NUF2: variants seen among roughly 807,000 people sequenced by gnomAD.
NUF2 encodes NUF2 component of NDC80 kinetochore complex.
In NUF2, 34 loss-of-function variants were observed where a neutral mutation model predicts 61.8. The observed-to-expected ratio is 0.55, with a 90% CI of 0.42 to 0.73. The LOEUF (loss-of-function observed/expected upper bound fraction) is 0.73. Ranked by LOEUF, NUF2 falls within the 30% of genes least tolerant of loss-of-function variation. NUF2 has a pLI of 0.00. For missense variants in NUF2, 445 were observed against 539.1 expected (o/e 0.83, Z 1.73); for synonymous variants, 172 against 181.6 (o/e 0.95, Z 0.42).
At chr1:163,336,260 A>G (rs1214685824) in intron 5 of NUF2, among the ~76,000 whole-genome samples, 5 of 152,200 alleles carry the variant, frequency 3.3e-5, no homozygotes, top group African/African-American at 1.2e-4. Context: ...ACTCAGTTCC[A>G]TAAATCCTAG....
chr1:163,334,016 A>T (rs1287062840), intron 5 of NUF2, among the ~76,000 whole-genome samples: 1 of 152,124 alleles, frequency 6.6e-6, no homozygotes, highest in Non-Finnish European at 1.5e-5. Flanking sequence ...TCTACTTTGT[A>T]TGTCCATGTG....
chr1:163,343,056 A>T (rs1241087887), intron 9 of NUF2, among the ~76,000 whole-genome samples: 1 of 152,190 alleles, frequency 6.6e-6, no homozygotes, highest in Admixed American at 6.5e-5. Flanking sequence ...ACTTACAACA[A>T]ACTTTCAAGA....
intron 13 of NUF2, among the ~76,000 whole-genome samples, chr1:163,352,733 G>A (rs1032988220): frequency 2.0e-5 from 3 of 152,134 alleles, no homozygotes; most frequent in African/African-American, 7.2e-5. Flanking sequence ...GGGCGTGGTG[G>A]CGGGCGCCTG....
intron 5 of NUF2, among the ~76,000 whole-genome samples, chr1:163,329,890 GC>G (rs1388009813): frequency 6.6e-6 from 1 of 152,128 alleles, no homozygotes; most frequent in African/African-American, 2.4e-5. Context: ...TAGCTAGCAA[GC>G]TATGAGAAGA....
chr1:163,322,283 T>A (rs1413139713), intron 1 of NUF2, 71 bp downstream of exon 1: 2 of 152,206 alleles, frequency 1.3e-5, no homozygotes, highest in Non-Finnish European at 2.9e-5. Context: ...CAGTTCCTAC[T>A]AAACTAACGG....
chr1:163,332,104 G>A (rs966923974), intron 5 of NUF2, among the ~76,000 whole-genome samples: 2 of 151,334 alleles, frequency 1.3e-5, no homozygotes, highest in African/African-American at 4.9e-5. Flanking sequence ...TCCTAATATA[G>A]GTATTTATTG....
At chr1:163,351,472 T>C (rs568166155) in intron 13 of NUF2, among the ~76,000 whole-genome samples, 1 of 152,364 alleles carries the variant, frequency 6.6e-6, no homozygotes, top group Non-Finnish European at 1.5e-5. Flanking sequence ...AAATCTATCA[T>C]TCTGTCTTCC....
chr1:163,330,726 C>A (rs142286490), intron 5 of NUF2, among the ~76,000 whole-genome samples: 499 of 152,170 alleles, frequency 3.3e-3, no homozygotes, highest in African/African-American at 0.011. Flanking sequence ...TTTATTAAGG[C>A]TGTTAAATTT....
chr1:163,338,056 G>A lies in NUF2; in HGVS notation c.472G>A (p.Ala158Thr), dbSNP rs61747498. The A allele has an allele frequency of 7.6e-3, 12,181 of 1,612,662 alleles. 53 individuals carry two copies. Among genetic ancestry groups the A allele is most frequent in the Middle Eastern group, 0.015 (92 of 6,050 alleles). Residue 158 changes from alanine (A) to threonine (T), a missense_variant, in exon 7 of 14, where the codon GCA becomes ACA. Transcript: ENST00000271452. ...SADKMQQLNAAHQEALMKLER... is the reference protein window; with the variant it reads ...SADKMQQLNATHQEALMKLER... ...GGACAAAATGCAACAGTTAAACGCC[G>A]CACACCAGGAGGCATTAATGAAACT... is the stretch of plus-strand genomic sequence containing the variant.
intron 13 of NUF2, among the ~76,000 whole-genome samples, chr1:163,351,192 A>T (rs1651304563): frequency 6.6e-6 from 1 of 152,178 alleles, no homozygotes; most frequent in Admixed American, 6.5e-5. Context: ...TGCTAAACAC[A>T]GTCTTCCAAA....
intron 12 of NUF2, among the ~76,000 whole-genome samples, chr1:163,348,671 A>G (rs2101689524): frequency 6.6e-6 from 1 of 152,270 alleles, no homozygotes; most frequent in African/African-American, 2.4e-5. Flanking sequence ...TTCATTTTAA[A>G]TATTGATTGA....
chr1:163,341,549 T>C (rs1430473678), intron 9 of NUF2, among the ~76,000 whole-genome samples: 1 of 152,130 alleles, frequency 6.6e-6, no homozygotes, highest in African/African-American at 2.4e-5. Context: ...ATTCTAGTGA[T>C]TTTGTCCATC....
At chr1:163,336,881 C>T in intron 6 of NUF2, 33 bp downstream of exon 6, 1 of 1,261,480 alleles carries the variant, frequency 7.9e-7, no homozygotes, top group Non-Finnish European at 1.2e-6. Context: ...GGTTACATGC[C>T]AGATCAGTAA....
At chr1:163,353,200 T>G (rs1465088885) in intron 13 of NUF2, among the ~76,000 whole-genome samples, 1 of 152,178 alleles carries the variant, frequency 6.6e-6, no homozygotes, top group Non-Finnish European at 1.5e-5. Flanking sequence ...AATTGGTGTC[T>G]TTCATTGTAC....
chr1:163,339,270 C>A, intron 7 of NUF2, 111 bp from the exon 8 acceptor site: 1 of 655,334 alleles, frequency 1.5e-6, no homozygotes, highest in Non-Finnish European at 2.7e-6. Context: ...GGGTGTAATT[C>A]AGAAACATAA....
intron 6 of NUF2, among the ~76,000 whole-genome samples, 165 bp from the exon 7 acceptor site, chr1:163,337,855 C>G (rs1164500403): frequency 6.6e-6 from 1 of 152,042 alleles, no homozygotes; most frequent in Non-Finnish European, 1.5e-5. Context: ...GAGAATCCAG[C>G]ATTTGTGTTG....
chr1:163,349,171 G>A, intron 13 of NUF2, 91 bp downstream of exon 13: 1 of 1,050,012 alleles, frequency 9.5e-7, no homozygotes, highest in East Asian at 2.5e-5. Context: ...TGGTCTCTGT[G>A]TAATGAGACT....
intron 12 of NUF2, among the ~76,000 whole-genome samples, chr1:163,348,497 T>C (rs1651208017): frequency 6.6e-6 from 1 of 152,134 alleles, no homozygotes; most frequent in Non-Finnish European, 1.5e-5. Flanking sequence ...GCGTCAGAGA[T>C]CATCTGAGTA....
At chr1:163,324,488 G>A (rs1235897599) in intron 1 of NUF2, among the ~76,000 whole-genome samples, 1 of 143,424 alleles carries the variant, frequency 7.0e-6, no homozygotes, top group Non-Finnish European at 1.5e-5. Context: ...AGTTGCCAAA[G>A]CTCCCCTTTT....
Sources: gnomAD v4.1 joint callset for allele counts (sites outside exome capture counted in the v4.1 genomes callset) on GRCh38, gnomAD v4.1.1 for gene constraint, MANE v1.5 for transcripts, NCBI Gene and HGNC (gene_info 2026-07-23, HGNC 2026-07-21) for gene names.